The following NBPF9 variants were observed in gnomAD, a reference collection of about 807,000 sequenced individuals.
The protein encoded by NBPF9 is NBPF member 9.
In NBPF9, 91 loss-of-function variants were observed where a neutral mutation model predicts 97.8. The observed-to-expected ratio is 0.93, with a 90% CI of 0.79 to 1.11. The LOEUF (loss-of-function observed/expected upper bound fraction) is 1.11, where lower values mean the gene tolerates loss of function less well. Ranked by LOEUF, NBPF9 falls within the 50% of genes least tolerant of loss-of-function variation. The pLI, the probability that NBPF9 is intolerant of heterozygous loss-of-function variation, is 0.00. For missense variants in NBPF9, 992 were observed against 939.5 expected (o/e 1.06, Z -0.73); for synonymous variants, 334 against 359.5 (o/e 0.93, Z 0.80).
At chr1:149,063,602 A>G (rs1553650680) in intron 20 of NBPF9, 31 bp downstream of exon 20, 3 of 609,226 alleles carry the variant, frequency 4.9e-6, no homozygotes, top group East Asian at 7.1e-5. Flanking sequence ...GACTCAGTGG[A>G]TCCTTATCAC....
rs7546489 is a variant in NBPF9 at position 149,082,349 on chromosome 1, C to T, written c.-113G>A. 2.7e-6 allele frequency: 4 copies of T among 1,472,986 alleles called. No individual in the cohort carries two copies. Among genetic ancestry groups the T allele is most frequent in the African/African-American group, 1.5e-5 (1 of 68,850 alleles). 91.2% of individuals were successfully genotyped at this position (1,472,986 alleles called of 1,614,324 possible). A position where few individuals can be genotyped will look rare whatever the true frequency, so the allele number is the denominator to read the frequency against. On this transcript the variant is annotated 5_prime_UTR_variant, in exon 6 of 30. It removes the in-frame stop codon of an upstream open reading frame in the 5' UTR. Coordinates refer to ENST00000584027, the Ensembl canonical transcript of NBPF9. ...CACAAAAACAAGGTTTGAGGTGCCT[C>T]AACTCAGAGCTGAAAGCACTGCCAG... is the stretch of plus-strand genomic sequence containing the variant.
chr1:149,064,213 G>A (rs587631752), intron 19 of NBPF9, among the ~76,000 whole-genome samples: 1 of 139,706 alleles, frequency 7.2e-6, no homozygotes, highest in Non-Finnish European at 1.5e-5. Context: ...CAGCTTTTGA[G>A]GTATGGTCAA....
chr1:149,096,061 C>A lies in NBPF9; in HGVS notation c.-337+2377G>T, dbSNP rs868933606. 2.6e-3 allele frequency among the ~76,000 whole-genome samples: 393 copies of A among 150,770 alleles called. 2 individuals are homozygous for A. The highest frequency in any genetic ancestry group is 9.6e-3 in the African/African-American group (384 of 40,194). On this transcript the variant is annotated intron_variant, in intron 4 of 29. Transcript: ENST00000584027. ...AACAAGCTGTCAAGTCATGAAAAGA[C>A]GTGGAGGAACTTAAAAGTACATAAT...
rs1250413974 is a variant in NBPF9, at chr1:149,093,319, C to G, written c.-336-2425G>C. Among the ~76,000 whole-genome samples, 9 of 151,974 alleles carry G rather than the reference C, an allele frequency of 5.9e-5. No homozygotes were observed. In the East Asian group the frequency reaches 9.7e-4, roughly 16 times the overall value. On this transcript the variant is annotated intron_variant, in intron 4 of 29. Coordinates refer to ENST00000584027, the Ensembl canonical transcript of NBPF9. ...TGGAATATACAATCGGGCTTTACAC[C>G]GAGACATTCCATTACCCAGGGACGA...
chr1:149,071,081 T>C, exon 16 of NBPF9: 2 of 1,610,678 alleles, frequency 1.2e-6, no homozygotes, highest in East Asian at 4.5e-5. Flanking sequence ...GAATAAGTGA[T>C]GGCACATTCC....
At chr1:149,084,259 TATACAC>T (rs1216576856) in intron 5 of NBPF9, among the ~76,000 whole-genome samples, 2 of 146,550 alleles carry the variant, frequency 1.4e-5, no homozygotes, top group Non-Finnish European at 3.0e-5. Flanking sequence ...ATATAATATA[TATACAC>T]GTGTATATAT....
exon 22 of NBPF9, chr1:149,062,166 G>T (rs782268482): frequency 2.4e-5 from 22 of 905,758 alleles, no homozygotes; most frequent in Non-Finnish European, 3.9e-5. Context: ...GCTGGCCTAA[G>T]TCAGGCAGTT....
At position 149,077,781 on chromosome 1, in the gene NBPF9, G is replaced by C. The variant is rs1295522078; in HGVS notation, c.566+102C>G. 1.6e-4 allele frequency: 250 copies of C among 1,517,886 alleles called. 9 individuals are homozygous for C. The highest frequency in any genetic ancestry group is 2.1e-4 in the Non-Finnish European group (231 of 1,095,310). The allele number at this position is 1,517,886 out of a possible 1,614,324, so 94.0% of individuals were successfully genotyped here. On this transcript the variant is annotated intron_variant, in intron 10 of 29. Coordinates refer to ENST00000584027, the Ensembl canonical transcript of NBPF9. ...TCAATTTCACATACTGTGGCCAAGGGGATGCGGGCTTTTGGCCCACCATAG... is the reference window on the plus strand; with the variant it reads ...TCAATTTCACATACTGTGGCCAAGGCGATGCGGGCTTTTGGCCCACCATAG...
intron 7 of NBPF9, among the ~76,000 whole-genome samples, chr1:149,081,014 G>C (rs1184983487): frequency 5.9e-5 from 9 of 151,724 alleles, no homozygotes; most frequent in African/African-American, 9.7e-5. Context: ...ACACATTCTC[G>C]GGTGTGATCT....
exon 22 of NBPF9, chr1:149,062,211 C>T (rs782341921): frequency 3.9e-5 from 40 of 1,028,200 alleles, no homozygotes; most frequent in Non-Finnish European, 5.4e-5. Context: ...ACCATCTACC[C>T]AGTGAGTCCT....
intron 5 of NBPF9, 110 bp downstream of exon 5, chr1:149,090,643 C>G (rs587697655): frequency 0.077 from 46,111 of 601,812 alleles, 5,639 homozygotes; most frequent in East Asian, 0.5. Flanking sequence ...ACGAAGAAAA[C>G]TCAGCTAAGC....
At chr1:149,085,259 A>C (rs1381135460) in intron 5 of NBPF9, among the ~76,000 whole-genome samples, 2 of 152,196 alleles carry the variant, frequency 1.3e-5, no homozygotes, top group Non-Finnish European at 2.9e-5. Flanking sequence ...CTACTAAAAA[A>C]AAATCAATAA....
chr1:149,072,338 T>G (rs1387368473), intron 14 of NBPF9, among the ~76,000 whole-genome samples: 4 of 152,138 alleles, frequency 2.6e-5, no homozygotes, highest in African/African-American at 7.2e-5. Context: ...GAAGGACAAG[T>G]CATTCACTCT....
Position 149,076,698 on chromosome 1 carries a change from C to T in NBPF9, c.778+510G>A, listed in dbSNP as rs1297881627. Among the ~76,000 whole-genome samples, 22 of 147,642 alleles carry T rather than the reference C, an allele frequency of 1.5e-4. No homozygotes were observed. In the East Asian group the frequency reaches 2.2e-3, roughly 15 times the overall value. On this transcript the variant is annotated intron_variant, in intron 11 of 29. Coordinates refer to ENST00000584027, the Ensembl canonical transcript of NBPF9. Reference sequence around the variant, plus strand: ...TTTTTTTTTGCATTTTTAGTAAAGACGGGGTTTCACCGTGTTAGCCAGGAT... The same window carrying T: ...TTTTTTTTTGCATTTTTAGTAAAGATGGGGTTTCACCGTGTTAGCCAGGAT...
At chr1:149,064,117 C>T (rs587600611) in intron 19 of NBPF9, among the ~76,000 whole-genome samples, 206 of 138,948 alleles carry the variant, frequency 1.5e-3, no homozygotes, top group Non-Finnish European at 2.5e-3. Flanking sequence ...TCTCAGGACA[C>T]ACAGTGAACA....
Position 149,080,035 on chromosome 1 carries a change from C to G in NBPF9, c.278+18G>C, listed in dbSNP as rs1160444859. On this transcript the variant is annotated intron_variant, in intron 8 of 29. Coordinates refer to ENST00000584027, the Ensembl canonical transcript of NBPF9. ...CTACACACCTACCCGCCTGCCTCCC[C>G]CCACGGGGTCCCCTCACCTGAGCTC... 14 of 1,582,462 alleles carry G rather than the reference C, an allele frequency of 8.8e-6. No individual in the cohort carries two copies. The highest frequency in any genetic ancestry group is 2.2e-5 in the South Asian group (2 of 90,546).
At position 149,075,165 on chromosome 1, in the gene NBPF9, T is replaced by C. The variant is rs375549754; in HGVS notation, c.988+490A>G. 4.2e-4 allele frequency among the ~76,000 whole-genome samples: 63 copies of C among 151,742 alleles called. No individual in the cohort carries two copies. In the South Asian group the frequency reaches 4.4e-3, roughly 11 times the overall value. Reference sequence around the variant, plus strand: ...TAGACAGCACAGGTTCTATTAGGAGTAGACTCCTCTTGAAGCCCCTCAGAG... The same window carrying C: ...TAGACAGCACAGGTTCTATTAGGAGCAGACTCCTCTTGAAGCCCCTCAGAG... On this transcript the variant is annotated intron_variant, in intron 12 of 29. Coordinates refer to ENST00000584027, the Ensembl canonical transcript of NBPF9.
At chr1:149,078,801 G>A (rs1354342178) in intron 9 of NBPF9, among the ~76,000 whole-genome samples, 2 of 143,294 alleles carry the variant, frequency 1.4e-5, no homozygotes, top group African/African-American at 5.3e-5. Flanking sequence ...TTCCATCAAG[G>A]GAGGAGGGAC....
chr1:149,055,716 A>G (rs782124424), exon 30 of NBPF9: 4 of 1,611,908 alleles, frequency 2.5e-6, no homozygotes, highest in South Asian at 1.1e-5. Context: ...CCGTCAAAGT[A>G]AAAAACCTAT....
Sources: gnomAD v4.1 joint callset for allele counts (sites outside exome capture counted in the v4.1 genomes callset) on GRCh38, gnomAD v4.1.1 for gene constraint, MANE v1.5 for transcripts, NCBI Gene and HGNC (gene_info 2026-07-23, HGNC 2026-07-21) for gene names.